The following CTNNA2 variants were observed in gnomAD, a reference collection of about 807,000 sequenced individuals.
The protein encoded by CTNNA2 is catenin alpha-2.
CTNNA2 carries 42 observed loss-of-function variants against 101.0 expected under a neutral mutation model. The observed-to-expected ratio is 0.42, with a 90% CI of 0.32 to 0.54. CTNNA2 has a LOEUF of 0.54. CTNNA2 is among the 20% of genes least tolerant of loss of function. CTNNA2 has a pLI of 0.14. For synonymous variants in CTNNA2, 450 were observed against 456.4 expected, an observed-to-expected ratio of 0.99 and a Z score of 0.18; for missense variants, 871 against 1,223.1, an observed-to-expected ratio of 0.71 and a Z score of 4.29.
chr2:80,024,310 A>T (rs1694788026), intron 7 of CTNNA2, among the ~76,000 whole-genome samples: 1 of 152,186 alleles, frequency 6.6e-6, no homozygotes, highest in East Asian at 1.9e-4. Context: ...GAGTGCTTGG[A>T]TACAGGACTG....
intron 2 of CTNNA2, among the ~76,000 whole-genome samples, chr2:79,304,481 G>C (rs1158799744): frequency 6.6e-6 from 1 of 151,380 alleles, no homozygotes; most frequent in African/African-American, 2.4e-5. Flanking sequence ...GCTCACCCAG[G>C]TGAGGCAGAC....
At chr2:80,583,422 C>A (rs1466242219) in intron 14 of CTNNA2, among the ~76,000 whole-genome samples, 1 of 152,162 alleles carries the variant, frequency 6.6e-6, no homozygotes, top group Non-Finnish European at 1.5e-5. Flanking sequence ...ACTTGAAAAT[C>A]TTTTGACTCT....
intron 7 of CTNNA2, among the ~76,000 whole-genome samples, chr2:80,197,563 T>C (rs1429266493): frequency 1.3e-5 from 2 of 152,226 alleles, no homozygotes; most frequent in East Asian, 3.9e-4. Context: ...GCCAGAATTA[T>C]GTTCCGAATC....
chr2:79,646,863 C>G (rs1680859617), intron 1 of CTNNA2, among the ~76,000 whole-genome samples: 1 of 152,248 alleles, frequency 6.6e-6, no homozygotes, highest in East Asian at 1.9e-4. Flanking sequence ...CTCAGAAATT[C>G]AAATTCTAGG....
At chr2:80,210,272 G>C (rs112679654) in intron 7 of CTNNA2, among the ~76,000 whole-genome samples, 1,555 of 152,192 alleles carry the variant, frequency 0.01, 26 homozygotes, top group African/African-American at 0.036. Flanking sequence ...GTGCAGGTTT[G>C]TTACATATGT....
rs115903883 is a variant in CTNNA2, at chr2:79,803,912, G to A, written c.299-54101G>A. ...TTTGTAGGAATATTTTATAGGGTAG[G>A]AAGATGGTTAGATACTTATTGTTAG... On this transcript the variant is annotated intron_variant, in intron 3 of 18. Transcript: ENST00000402739. 2.3e-3 allele frequency among the ~76,000 whole-genome samples: 355 copies of A among 152,328 alleles called. 4 individuals are homozygous for A. The highest frequency in any genetic ancestry group is 8.2e-3 in the African/African-American group (341 of 41,570).
chr2:80,435,751 G>A (rs749692941), intron 9 of CTNNA2, among the ~76,000 whole-genome samples: 13 of 152,194 alleles, frequency 8.5e-5, no homozygotes, highest in Non-Finnish European at 1.8e-4. Flanking sequence ...TACTCCATAA[G>A]CGCTTAATAG....
intron 2 of CTNNA2, among the ~76,000 whole-genome samples, chr2:79,204,069 C>T (rs1331064990): frequency 6.6e-6 from 1 of 152,202 alleles, no homozygotes; most frequent in Non-Finnish European, 1.5e-5. Context: ...TAAGGAAATG[C>T]TTCAGCATTT....
At chr2:80,538,054 C>CT (rs1558562977) in intron 9 of CTNNA2, among the ~76,000 whole-genome samples, 1 of 152,034 alleles carries the variant, frequency 6.6e-6, no homozygotes, top group African/African-American at 2.4e-5. Flanking sequence ...GTTCATATCC[C>CT]TTGCCCACTT....
chr2:79,470,678 G>A lies in CTNNA2; in HGVS notation c.-134-34376G>A, dbSNP rs189654927. On this transcript the variant is annotated intron_variant, in intron 4 of 21. Transcript: ENST00000466387. ...AGGAATGCATCACAGAATCATAGATGAATCACTTCTTTGAATGCTTCTGAT... is the reference window on the plus strand; with the variant it reads ...AGGAATGCATCACAGAATCATAGATAAATCACTTCTTTGAATGCTTCTGAT... Among the ~76,000 whole-genome samples the A allele has an allele frequency of 8.5e-5, 13 of 152,256 alleles. No homozygotes were observed. The East Asian group carries it at 2.3e-3, about 27-fold the overall frequency.
intron 3 of CTNNA2, among the ~76,000 whole-genome samples, chr2:79,803,749 A>G (rs1231199152): frequency 1.3e-5 from 2 of 152,266 alleles, no homozygotes; most frequent in Non-Finnish European, 2.9e-5. Flanking sequence ...ACTTTAAACC[A>G]TGATGTAGTT....
intron 2 of CTNNA2, among the ~76,000 whole-genome samples, chr2:79,252,776 A>G (rs1674789979): frequency 6.6e-6 from 1 of 150,930 alleles, no homozygotes; most frequent in Admixed American, 6.6e-5. Flanking sequence ...ATGCCCCCCC[A>G]TTACTCCCAT....
At chr2:79,575,249 G>A (rs1675717457) in intron 1 of CTNNA2, among the ~76,000 whole-genome samples, 1 of 152,068 alleles carries the variant, frequency 6.6e-6, no homozygotes, top group Admixed American at 6.6e-5. Context: ...ATCCACACTG[G>A]TTATAGGGAT....
chr2:80,320,329 C>T (rs1460329955), intron 7 of CTNNA2, among the ~76,000 whole-genome samples: 2 of 152,150 alleles, frequency 1.3e-5, no homozygotes, highest in Non-Finnish European at 2.9e-5. Context: ...TTCTATTTGG[C>T]CAAATAAGCA....
At chr2:79,266,742 C>T (rs1482207473) in intron 2 of CTNNA2, among the ~76,000 whole-genome samples, 3 of 152,096 alleles carry the variant, frequency 2.0e-5, no homozygotes, top group East Asian at 1.9e-4. Context: ...CATTGACTTA[C>T]CTAGTATCAC....
chr2:80,355,920 C>T (rs1203641156), intron 7 of CTNNA2, among the ~76,000 whole-genome samples: 2 of 150,900 alleles, frequency 1.3e-5, no homozygotes, highest in Non-Finnish European at 2.9e-5. Context: ...GTAAATAGCA[C>T]AGTCACATTG....
At chr2:80,369,964 T>C (rs962394679) in intron 7 of CTNNA2, among the ~76,000 whole-genome samples, 1 of 152,126 alleles carries the variant, frequency 6.6e-6, no homozygotes, top group Admixed American at 6.5e-5. Context: ...CTTAAGACAA[T>C]ATATTTGTGC....
At chr2:79,970,532 C>T (rs749619582) in intron 7 of CTNNA2, among the ~76,000 whole-genome samples, 7 of 152,142 alleles carry the variant, frequency 4.6e-5, no homozygotes, top group African/African-American at 7.2e-5. Context: ...CTACCACCTA[C>T]GGGGCTGCAT....
chr2:80,529,388 T>C (rs1219184170), intron 9 of CTNNA2, among the ~76,000 whole-genome samples: 3 of 152,222 alleles, frequency 2.0e-5, no homozygotes, highest in Non-Finnish European at 1.5e-5. Flanking sequence ...TATATCTATG[T>C]GTACATAATC....
Sources: allele counts gnomAD v4.1 joint callset (sites outside exome capture counted in the v4.1 genomes callset), GRCh38; gene constraint gnomAD v4.1.1; transcripts MANE v1.5; gene names NCBI Gene and HGNC (gene_info 2026-07-23, HGNC 2026-07-21).